The following DNAH12 variants were observed in gnomAD, a reference collection of about 807,000 sequenced individuals.
The protein encoded by DNAH12 is dynein axonemal heavy chain 12, also known as axonemal beta dynein heavy chain 12.
Under a neutral mutation model 371.5 loss-of-function variants are expected in DNAH12, and 285 were observed. The observed-to-expected ratio is 0.77, with a 90% CI of 0.70 to 0.85. The LOEUF (loss-of-function observed/expected upper bound fraction) is 0.85, where lower values mean the gene tolerates loss of function less well. DNAH12 is among the 40% of genes least tolerant of loss of function. The pLI is 0.00. For synonymous variants in DNAH12, 1,200 were observed against 1,213.0 expected (o/e 0.99, Z 0.22); for missense variants, 3,611 against 3,689.4 (o/e 0.98, Z 0.55).
Position 57,468,937 on chromosome 3 carries a change from C to G in DNAH12, c.2148G>C (p.Met716Ile). The change falls in exon 17 of 74, where the codon ATG (methionine) becomes ATC (isoleucine). Residue 716 changes from methionine to isoleucine, a missense_variant. Met to Ile is a conservative substitution (Grantham distance 10, BLOSUM62 1). Coordinates refer to ENST00000495027, the MANE Select transcript of DNAH12 (RefSeq NM_001366028.2). The part of the protein sequence containing the change: ...GGFLDLNGES[M>I]EADVEEFSRE... ...GGGAAAACTCTTCCACATCAGCCTCCATGCTTTCCCCATTGAGGTCCAAAA... is the reference window on the plus strand; with the variant it reads ...GGGAAAACTCTTCCACATCAGCCTCGATGCTTTCCCCATTGAGGTCCAAAA... The G allele has an allele frequency of 6.6e-7, 1 of 1,511,938 alleles. No homozygotes were observed. 93.7% of individuals were successfully genotyped at this position (1,511,938 alleles called of 1,614,324 possible).
upstream of DNAH12, among the ~76,000 whole-genome samples, chr3:57,545,312 T>TC (rs1390500656): frequency 6.7e-6 from 1 of 149,122 alleles, no homozygotes; most frequent in Non-Finnish European, 1.5e-5. Flanking sequence ...CCCGACTAAT[T>TC]TTTTTTCTTT....
At chr3:57,315,717 A>G (rs1272959557) in intron 65 of DNAH12, among the ~76,000 whole-genome samples, 24 of 152,056 alleles carry the variant, frequency 1.6e-4, no homozygotes, top group Non-Finnish European at 1.5e-5. Flanking sequence ...AGAAAGAGGA[A>G]AAGTATCAGG....
intron 65 of DNAH12, among the ~76,000 whole-genome samples, chr3:57,316,910 G>C (rs1048152780): frequency 5.3e-5 from 8 of 152,142 alleles, no homozygotes; most frequent in African/African-American, 1.9e-4. Context: ...AAATTACCCA[G>C]TCTCAGATAT....
chr3:57,323,044 G>T lies in DNAH12; in HGVS notation c.10346C>A (p.Ser3449Tyr). 6.4e-7 allele frequency: 1 copy of T among 1,552,252 alleles called. No individual in the cohort carries two copies. The highest frequency in any genetic ancestry group is 8.7e-7 in the Non-Finnish European group (1 of 1,147,124). ...ATAGCTTGTCAGCCAAAGCCTAAAGGATGAGTTACAGGTTTCAGAGGTAAA... is the reference window on the plus strand; with the variant it reads ...ATAGCTTGTCAGCCAAAGCCTAAAGTATGAGTTACAGGTTTCAGAGGTAAA... Reference protein sequence around the residue: ...EDFTSETCNSSFRLWLTSYPS... With the variant: ...EDFTSETCNSYFRLWLTSYPS... The change falls in exon 64 of 74, where the codon TCC becomes TAC. Residue 3449 changes from serine to tyrosine, a missense_variant. By Grantham distance (144) the Ser-to-Tyr change is moderately radical (BLOSUM62 -2). Coordinates refer to ENST00000495027, the MANE Select transcript of DNAH12 (RefSeq NM_001366028.2).
rs140088956 is a variant in DNAH12 at position 57,419,283 on chromosome 3, T to C, written c.5714+84A>G. Reference sequence around the variant, plus strand: ...ATTTCAGTTACCTGAAAAGGGATGATCTCGAATACTTCAAAAATTGCCATA... The same window carrying C: ...ATTTCAGTTACCTGAAAAGGGATGACCTCGAATACTTCAAAAATTGCCATA... On this transcript the variant is annotated intron_variant, in intron 37 of 73. Transcript: ENST00000495027. The C allele has an allele frequency of 2.5e-3, 3,312 of 1,312,496 alleles. 63 individuals are homozygous for C. The African/African-American group carries it at 0.044, about 18-fold the overall frequency. 81.3% of individuals were successfully genotyped at this position (1,312,496 alleles called of 1,614,324 possible).
rs1429091322 is a variant in DNAH12, at chr3:57,462,727, A to G, written c.2498T>C (p.Leu833Ser). ...TGCACTTATCACTTCAAATTGTTCCAAGTATGGGGTAAGGTTTAATTTTAA... is the reference window on the plus strand; with the variant it reads ...TGCACTTATCACTTCAAATTGTTCCGAGTATGGGGTAAGGTTTAATTTTAA... ...KVLKLNLTPY[L>S]EQFEVISAGA... is the part of the protein sequence containing the mutation. Residue 833 changes from leucine to serine, a missense_variant, in exon 18 of 74, where the codon TTG (leucine) becomes TCG (serine). Leu to Ser is a moderately radical substitution (Grantham distance 145, BLOSUM62 -2). This residue lies in a region of DNAH12 where 1,314 missense variants were observed against 1,398.7 expected (regional missense o/e 0.94). Coordinates refer to ENST00000495027, the MANE Select transcript of DNAH12 (RefSeq NM_001366028.2). 6.4e-7 allele frequency: 1 copy of G among 1,551,448 alleles called. No homozygotes were observed. The highest frequency in any genetic ancestry group is 8.7e-7 in the Non-Finnish European group (1 of 1,146,892).
chr3:57,483,908 A>T (rs1233092214), intron 12 of DNAH12, among the ~76,000 whole-genome samples: 1 of 135,246 alleles, frequency 7.4e-6, no homozygotes, highest in Non-Finnish European at 1.5e-5. Flanking sequence ...CCATGATTGC[A>T]CCGTTGCACT....
intron 66 of DNAH12, 81 bp from the exon 67 acceptor site, chr3:57,311,031 T>A: frequency 1.0e-6 from 1 of 976,304 alleles, no homozygotes; most frequent in Non-Finnish European, 1.5e-6. Context: ...TCTATCTATC[T>A]AGAAAGGGGG....
chr3:57,435,598 G>C (rs1472631534), intron 30 of DNAH12, among the ~76,000 whole-genome samples: 2 of 151,972 alleles, frequency 1.3e-5, no homozygotes, highest in African/African-American at 4.8e-5. Flanking sequence ...TTGTTTTTGA[G>C]GGAGTTTACT....
chr3:57,463,738 GT>G (rs2066122097), intron 17 of DNAH12, among the ~76,000 whole-genome samples: 1 of 152,014 alleles, frequency 6.6e-6, no homozygotes, highest in African/African-American at 2.4e-5. Context: ...AATAAGTGAA[GT>G]TTTAACATCT....
chr3:57,379,678 T>A (rs2063346593), intron 51 of DNAH12, among the ~76,000 whole-genome samples: 1 of 151,494 alleles, frequency 6.6e-6, no homozygotes, highest in African/African-American at 2.4e-5. Context: ...CTGTCTCTAC[T>A]AATAGTACAA....
At chr3:57,477,699 A>G (rs2066586338) in intron 13 of DNAH12, among the ~76,000 whole-genome samples, 1 of 152,170 alleles carries the variant, frequency 6.6e-6, no homozygotes, top group Non-Finnish European at 1.5e-5. Flanking sequence ...GACACCTCAC[A>G]CGGCCGGGTA....
At chr3:57,318,116 T>C (rs752145122) in intron 65 of DNAH12, among the ~76,000 whole-genome samples, 15 of 152,196 alleles carry the variant, frequency 9.9e-5, no homozygotes, top group Admixed American at 2.6e-4. Flanking sequence ...ATTCCTTAGG[T>C]TGGCTTTTCA....
Position 57,378,103 on chromosome 3 carries a change from T to G in DNAH12, c.8224-881A>C, listed in dbSNP as rs949611616. 2.9e-3 allele frequency among the ~76,000 whole-genome samples: 443 copies of G among 152,306 alleles called. 2 individuals are homozygous for G. Among genetic ancestry groups the G allele is most frequent in the African/African-American group, 0.01 (419 of 41,558 alleles). On this transcript the variant is annotated intron_variant, in intron 52 of 73. Transcript: ENST00000495027. ...GAAAGCAGGAAGCTCTCTTTTCTGC[T>G]TCTGACTTCAGAGAAGACATTGTTG...
intron 55 of DNAH12, among the ~76,000 whole-genome samples, chr3:57,368,931 G>T (rs891793533): frequency 1.3e-5 from 2 of 152,014 alleles, no homozygotes; most frequent in Non-Finnish European, 2.9e-5. Flanking sequence ...CAGATGCCGG[G>T]CACGGTGGCT....
At chr3:57,398,678 A>T (rs2063794519) in intron 43 of DNAH12, among the ~76,000 whole-genome samples, 1 of 152,212 alleles carries the variant, frequency 6.6e-6, no homozygotes, top group Non-Finnish European at 1.5e-5. Flanking sequence ...AAACCTGTCA[A>T]CCAAGGACAA....
intron 17 of DNAH12, among the ~76,000 whole-genome samples, chr3:57,465,538 T>C (rs906558905): frequency 6.6e-6 from 1 of 151,802 alleles, no homozygotes; most frequent in Admixed American, 6.6e-5. Context: ...TAACAAACTA[T>C]AAGAGTATTA....
intron 29 of DNAH12, among the ~76,000 whole-genome samples, chr3:57,441,432 G>T (rs527394588): frequency 6.6e-6 from 1 of 152,160 alleles, no homozygotes; most frequent in East Asian, 1.9e-4. Flanking sequence ...ATATAGAATG[G>T]TCTAATATAC....
chr3:57,404,949 T>A lies in DNAH12; in HGVS notation c.6755+20A>T. 1 of 1,464,794 alleles carries A rather than the reference T, an allele frequency of 6.8e-7. No homozygotes were observed. The highest frequency in any genetic ancestry group is 9.0e-7 in the Non-Finnish European group (1 of 1,114,278). The allele number at this position is 1,464,794 out of a possible 1,614,324, so 90.7% of individuals were successfully genotyped here. A position where few individuals can be genotyped will look rare whatever the true frequency, so the allele number is the denominator to read the frequency against. On this transcript the variant is annotated intron_variant, in intron 42 of 73. Coordinates refer to ENST00000495027, the MANE Select transcript of DNAH12 (RefSeq NM_001366028.2). ...ATTTTACAGATAGCAATTTCAAGCATCAACACCATATATAGGTACCTAAAA... is the reference window on the plus strand; with the variant it reads ...ATTTTACAGATAGCAATTTCAAGCAACAACACCATATATAGGTACCTAAAA...
Sources: allele counts gnomAD v4.1 joint callset (sites outside exome capture counted in the v4.1 genomes callset), GRCh38; gene constraint gnomAD v4.1.1; regional missense constraint gnomAD v4.1.1; transcripts MANE v1.5; gene names NCBI Gene and HGNC (gene_info 2026-07-23, HGNC 2026-07-21).